BORCS5: variants seen among roughly 807,000 people sequenced by gnomAD.
The protein encoded by BORCS5 is BLOC-1 related complex subunit 5, also known as BLOC-1-related complex subunit 5.
A neutral mutation model predicts 22.1 loss-of-function variants in BORCS5; 17 were observed. The observed-to-expected ratio is 0.77, with a 90% CI of 0.53 to 1.15. The LOEUF is 1.15. Ranked by LOEUF, BORCS5 falls within the 50% of genes most tolerant of loss-of-function variation. The probability of loss-of-function intolerance (pLI) is 0.00; values close to 1 mark genes in which losing one functional copy is unlikely to be tolerated. For synonymous variants in BORCS5, 117 were observed against 99.8 expected, an observed-to-expected ratio of 1.17 and a Z score of -1.03; for missense variants, 247 against 253.2, an observed-to-expected ratio of 0.98 and a Z score of 0.17.
chr12:12,370,872 C>CAG (rs1863511666), intron 2 of BORCS5, among the ~76,000 whole-genome samples: 1 of 151,992 alleles, frequency 6.6e-6, no homozygotes, highest in Non-Finnish European at 1.5e-5. Flanking sequence ...CCTCAGCCTG[C>CAG]CGAGTAGCTG....
At chr12:12,418,067 AGGCT>A (rs1179759123) in intron 2 of BORCS5, among the ~76,000 whole-genome samples, 1 of 151,048 alleles carries the variant, frequency 6.6e-6, no homozygotes, top group African/African-American at 2.4e-5. Context: ...TCTGTCGCCC[AGGCT>A]GGAGTGCAGT....
chr12:12,387,285 T>C (rs1332990298), intron 2 of BORCS5, among the ~76,000 whole-genome samples: 1 of 151,606 alleles, frequency 6.6e-6, no homozygotes, highest in East Asian at 1.9e-4. Flanking sequence ...TTCCAGTATT[T>C]GGTGATTATA....
At chr12:12,422,859 T>C (rs904841693) in intron 2 of BORCS5, among the ~76,000 whole-genome samples, 9 of 152,084 alleles carry the variant, frequency 5.9e-5, no homozygotes, top group African/African-American at 1.9e-4. Flanking sequence ...TAACATTAGC[T>C]TTTAGACTAA....
chr12:12,442,705 T>G (rs1942708608), intron 3 of BORCS5, among the ~76,000 whole-genome samples: 1 of 152,214 alleles, frequency 6.6e-6, no homozygotes, highest in African/African-American at 2.4e-5. Context: ...TAAGATGGTA[T>G]TAGAAGGTGA....
intron 2 of BORCS5, among the ~76,000 whole-genome samples, chr12:12,426,316 C>T (rs2136112037): frequency 6.6e-6 from 1 of 152,366 alleles, no homozygotes; most frequent in Non-Finnish European, 1.5e-5. Flanking sequence ...GCAGTCCTCT[C>T]ACCTCTGCAT....
At position 12,365,376 on chromosome 12, in the gene BORCS5, C is replaced by G. The variant is rs199635102; in HGVS notation, c.202+4027C>G. On this transcript the variant is annotated intron_variant, in intron 2 of 3. Transcript: ENST00000314565. The stretch of plus-strand genomic sequence containing the variant: ...TTTTTTTTTTGTAGAGACAGGGTTT[C>G]ACTATGTTGCCCATGTTGGTCTTGA... Among the ~76,000 whole-genome samples the G allele has an allele frequency of 1.3e-4, 20 of 148,852 alleles. No individual in the cohort carries two copies. The East Asian group carries it at 2.4e-3, about 18-fold the overall frequency.
chr12:12,437,362 A>C (rs1173619426), intron 3 of BORCS5, among the ~76,000 whole-genome samples: 1 of 152,228 alleles, frequency 6.6e-6, no homozygotes, highest in Admixed American at 6.5e-5. Flanking sequence ...CTGTGAGTCA[A>C]CTAAACCTCT....
intron 2 of BORCS5, among the ~76,000 whole-genome samples, chr12:12,414,077 C>T (rs1941830821): frequency 1.2e-5 from 1 of 86,508 alleles, no homozygotes; most frequent in East Asian, 2.6e-4. Flanking sequence ...CCCCACATCC[C>T]TCCCGGACGG....
intron 2 of BORCS5, among the ~76,000 whole-genome samples, chr12:12,417,933 C>T (rs1289422602): frequency 1.3e-5 from 2 of 151,216 alleles, no homozygotes; most frequent in African/African-American, 2.4e-5. Context: ...TGAGCCACCA[C>T]ACTTGATTTG....
At chr12:12,418,965 G>A (rs955474750) in intron 2 of BORCS5, among the ~76,000 whole-genome samples, 27 of 151,980 alleles carry the variant, frequency 1.8e-4, no homozygotes, top group Non-Finnish European at 2.9e-4. Context: ...TATTGCTGTC[G>A]TCTTCTGTGT....
chr12:12,424,262 A>G (rs990981581), intron 2 of BORCS5, among the ~76,000 whole-genome samples: 5 of 150,900 alleles, frequency 3.3e-5, no homozygotes, highest in African/African-American at 7.4e-5. Flanking sequence ...CTCAGACTAG[A>G]TAGTATTCAT....
chr12:12,414,653 A>C (rs1236685671), intron 2 of BORCS5, among the ~76,000 whole-genome samples: 26 of 69,394 alleles, frequency 3.7e-4, no homozygotes, highest in South Asian at 8.0e-4. Context: ...GGAGCCCCTC[A>C]CCTCCCGGAC....
At chr12:12,450,984 T>G (rs528650719) in intron 3 of BORCS5, among the ~76,000 whole-genome samples, 1 of 152,332 alleles carries the variant, frequency 6.6e-6, no homozygotes, top group Non-Finnish European at 1.5e-5. Flanking sequence ...ATATACTGGG[T>G]TCTATCTACC....
At chr12:12,421,127 C>G (rs141988400) in intron 2 of BORCS5, among the ~76,000 whole-genome samples, 2 of 152,014 alleles carry the variant, frequency 1.3e-5, no homozygotes, top group African/African-American at 4.8e-5. Context: ...TGTCTTGTGC[C>G]GATTTTCAAA....
intron 3 of BORCS5, among the ~76,000 whole-genome samples, chr12:12,444,929 A>G (rs955891776): frequency 6.6e-6 from 1 of 152,218 alleles, no homozygotes; most frequent in African/African-American, 2.4e-5. Flanking sequence ...ATAGCTAATG[A>G]GCTTAAAAAC....
intron 2 of BORCS5, among the ~76,000 whole-genome samples, chr12:12,393,712 G>A (rs1461338908): frequency 1.1e-4 from 1 of 8,848 alleles, no homozygotes; most frequent in African/African-American, 5.4e-4. Flanking sequence ...TAGAGGCGGG[G>A]TTTCACCATG....
rs1314201451 is a variant in BORCS5, at chr12:12,413,942, C to G, written c.203-21686C>G. Among the ~76,000 whole-genome samples, 4 of 56,058 alleles carry G rather than the reference C, an allele frequency of 7.1e-5. 1 individual carries two copies. Among genetic ancestry groups the G allele is most frequent in the Admixed American group, 2.7e-4 (2 of 7,362 alleles). The allele number at this position is 56,058 out of a possible 152,430, so 36.8% of individuals were successfully genotyped here. A position where few individuals can be genotyped will look rare whatever the true frequency, so the allele number is the denominator to read the frequency against. ...GCTGGCCGGGCGGGGGGCTGACCCCCCCACCTCCCTCCCGGACGGGGCGGC... is the reference window on the plus strand; with the variant it reads ...GCTGGCCGGGCGGGGGGCTGACCCCGCCACCTCCCTCCCGGACGGGGCGGC... On this transcript the variant is annotated intron_variant, in intron 2 of 3. Transcript: ENST00000314565.
chr12:12,452,371 T>G, intron 3 of BORCS5: 1 of 625,822 alleles, frequency 1.6e-6, no homozygotes, highest in Admixed American at 1.9e-5. Flanking sequence ...TCAAATCCAG[T>G]TCACAAACAT....
intron 1 of BORCS5, among the ~76,000 whole-genome samples, chr12:12,359,671 T>TAAA (rs56798094): frequency 8.5e-4 from 118 of 138,122 alleles, no homozygotes; most frequent in Middle Eastern, 7.6e-3. Flanking sequence ...CGCCTTGACT[T>TAAA]AAAAAAAAAA....
Sources: gnomAD v4.1 joint callset for allele counts (sites outside exome capture counted in the v4.1 genomes callset) on GRCh38, gnomAD v4.1.1 for gene constraint, MANE v1.5 for transcripts, NCBI Gene and HGNC (gene_info 2026-07-23, HGNC 2026-07-21) for gene names.